WDR72: variants seen among roughly 807,000 people sequenced by gnomAD.
WDR72 encodes the protein WD repeat-containing protein 72.
Under a neutral mutation model 124.2 loss-of-function variants are expected in WDR72, and 120 were observed. That is an observed-to-expected ratio of 0.97 (90% CI 0.83 to 1.12). The LOEUF (loss-of-function observed/expected upper bound fraction) is 1.12, where lower values mean the gene tolerates loss of function less well. WDR72 is among the 50% of genes most tolerant of loss of function. WDR72 has a pLI of 0.00. For synonymous variants in WDR72, 452 were observed against 441.7 expected, an observed-to-expected ratio of 1.02 and a Z score of -0.29; for missense variants, 1,387 against 1,278.8, an observed-to-expected ratio of 1.08 and a Z score of -1.29.
intron 18 of WDR72, among the ~76,000 whole-genome samples, chr15:53,581,815 A>C (rs763289669): frequency 2.6e-5 from 4 of 152,108 alleles, no homozygotes; most frequent in Non-Finnish European, 5.9e-5. Flanking sequence ...TGTACTTTAT[A>C]TTAGAAAAAT....
chr15:53,737,419 C>T (rs568821376), intron 1 of WDR72, among the ~76,000 whole-genome samples: 1 of 152,104 alleles, frequency 6.6e-6, no homozygotes, highest in African/African-American at 2.4e-5. Flanking sequence ...CTATATCTTA[C>T]TTACAAAAGA....
At chr15:53,536,999 T>C (rs1358307339) in intron 18 of WDR72, among the ~76,000 whole-genome samples, 1 of 152,150 alleles carries the variant, frequency 6.6e-6, no homozygotes, top group African/African-American at 2.4e-5. Flanking sequence ...GAAGGAAGAA[T>C]TGTACTGAGC....
chr15:53,623,443 T>G (rs1180038334), intron 14 of WDR72, among the ~76,000 whole-genome samples: 3 of 152,136 alleles, frequency 2.0e-5, no homozygotes, highest in East Asian at 3.9e-4. Flanking sequence ...ACTAAGAACA[T>G]GATTTCATTC....
intron 18 of WDR72, 102 bp downstream of exon 18, chr15:53,596,977 A>G: frequency 1.8e-6 from 2 of 1,129,714 alleles, no homozygotes; most frequent in Admixed American, 1.7e-5. Flanking sequence ...CTTGTGCACC[A>G]TGATATAATC....
chr15:53,706,191 ACT>A (rs1183142194), intron 9 of WDR72, 117 bp from the exon 10 acceptor site: 3 of 1,150,320 alleles, frequency 2.6e-6, no homozygotes, highest in Non-Finnish European at 2.5e-6. Flanking sequence ...TTTATTTCCC[ACT>A]CTTTTGACAT....
At chr15:53,561,702 C>T (rs1345502387) in intron 18 of WDR72, among the ~76,000 whole-genome samples, 1 of 151,804 alleles carries the variant, frequency 6.6e-6, no homozygotes, top group African/African-American at 2.4e-5. Context: ...AAAAGCCCTG[C>T]TTTAATGCAG....
At chr15:53,677,784 T>A (rs537082756) in intron 13 of WDR72, among the ~76,000 whole-genome samples, 117 of 152,320 alleles carry the variant, frequency 7.7e-4, no homozygotes, top group African/African-American at 2.7e-3. Flanking sequence ...CAGAAGCACA[T>A]GTAAGAGATA....
At chr15:53,628,423 C>T (rs908881430) in intron 14 of WDR72, among the ~76,000 whole-genome samples, 3 of 151,986 alleles carry the variant, frequency 2.0e-5, no homozygotes, top group Non-Finnish European at 2.9e-5. Flanking sequence ...AGTTGACACC[C>T]ATGTATTGAA....
At chr15:53,692,258 G>T (rs1172844426) in intron 13 of WDR72, among the ~76,000 whole-genome samples, 1 of 152,060 alleles carries the variant, frequency 6.6e-6, no homozygotes, top group East Asian at 1.9e-4. Context: ...TGATTACACT[G>T]AAAGCTCTTT....
At chr15:53,628,776 AC>A (rs1349932874) in intron 14 of WDR72, among the ~76,000 whole-genome samples, 2 of 152,152 alleles carry the variant, frequency 1.3e-5, no homozygotes, top group Non-Finnish European at 2.9e-5. Flanking sequence ...TTTGAAGTAA[AC>A]TAAATTTTTT....
chr15:53,689,993 A>T (rs2016783039), intron 13 of WDR72, among the ~76,000 whole-genome samples: 1 of 145,074 alleles, frequency 6.9e-6, no homozygotes, highest in Non-Finnish European at 1.5e-5. Flanking sequence ...GCATATTCTC[A>T]CTCATAGGTG....
At chr15:53,674,198 C>T (rs1204609991) in intron 13 of WDR72, among the ~76,000 whole-genome samples, 1 of 152,120 alleles carries the variant, frequency 6.6e-6, no homozygotes, top group Admixed American at 6.5e-5. Context: ...GACAATATTT[C>T]AAAGTGACTC....
intron 13 of WDR72, among the ~76,000 whole-genome samples, chr15:53,697,157 A>G (rs1160354158): frequency 1.3e-5 from 2 of 152,248 alleles, no homozygotes; most frequent in Non-Finnish European, 2.9e-5. Flanking sequence ...CAAACTTTTT[A>G]TAGAAAATAG....
intron 18 of WDR72, among the ~76,000 whole-genome samples, chr15:53,555,521 C>T (rs1436306651): frequency 6.6e-6 from 1 of 152,022 alleles, no homozygotes; most frequent in African/African-American, 2.4e-5. Flanking sequence ...GCTCATTTGC[C>T]TCTTTCCCAC....
chr15:53,588,226 A>G (rs1234478709), intron 18 of WDR72, among the ~76,000 whole-genome samples: 3 of 152,028 alleles, frequency 2.0e-5, no homozygotes, highest in African/African-American at 2.4e-5. Context: ...CTCAGGCAAC[A>G]AACATTTAAT....
At chr15:53,551,042 G>T (rs1048014586) in intron 18 of WDR72, among the ~76,000 whole-genome samples, 68 of 152,172 alleles carry the variant, frequency 4.5e-4, no homozygotes, top group African/African-American at 1.6e-3. Flanking sequence ...TTAAGGAAAT[G>T]ACCTTTAAAC....
chr15:53,599,756 C>T (rs1479637572), intron 17 of WDR72, among the ~76,000 whole-genome samples: 4 of 151,356 alleles, frequency 2.6e-5, no homozygotes, highest in South Asian at 2.1e-4. Flanking sequence ...ATATAATATC[C>T]TATACAACTT....
At chr15:53,658,606 TC>T (rs1245475837) in intron 14 of WDR72, among the ~76,000 whole-genome samples, 4 of 151,756 alleles carry the variant, frequency 2.6e-5, no homozygotes, top group African/African-American at 9.7e-5. Context: ...ATAAGGAAAA[TC>T]AAAAAGAAGA....
At chr15:53,538,696 T>G (rs984272147) in intron 18 of WDR72, among the ~76,000 whole-genome samples, 20 of 152,142 alleles carry the variant, frequency 1.3e-4, no homozygotes, top group Non-Finnish European at 2.5e-4. Context: ...TTATAAAAAG[T>G]TTTTTGCTGT....
Sources: gnomAD v4.1 joint callset for allele counts (sites outside exome capture counted in the v4.1 genomes callset) on GRCh38, gnomAD v4.1.1 for gene constraint, MANE v1.5 for transcripts, NCBI Gene and HGNC (gene_info 2026-07-23, HGNC 2026-07-21) for gene names.